The following WWTR1 variants were observed in gnomAD, a reference collection of about 807,000 sequenced individuals.
The protein encoded by WWTR1 is WW domain containing transcription regulator 1.
WWTR1 carries 13 observed loss-of-function variants against 40.1 expected under a neutral mutation model. The observed-to-expected ratio is 0.32, with a 90% CI of 0.21 to 0.52. WWTR1 has a LOEUF of 0.52. WWTR1 is among the 20% of genes least tolerant of loss of function. The pLI is 0.97. For missense variants in WWTR1, 436 were observed against 523.1 expected (o/e 0.83, Z 1.63); for synonymous variants, 230 against 210.1 (o/e 1.09, Z -0.82).
At chr3:149,521,939 T>C (rs1480414178) in intron 6 of WWTR1, among the ~76,000 whole-genome samples, 3 of 152,214 alleles carry the variant, frequency 2.0e-5, no homozygotes, top group Admixed American at 6.5e-5. Flanking sequence ...GTCTGCCACA[T>C]ATCCATGGCT....
chr3:149,721,954 T>C (rs1576652321), intron 4 of WWTR1, among the ~76,000 whole-genome samples: 1 of 152,222 alleles, frequency 6.6e-6, no homozygotes, highest in East Asian at 1.9e-4. Flanking sequence ...TCTATTTCTT[T>C]GTGGCTTAGT....
intron 2 of WWTR1, among the ~76,000 whole-genome samples, chr3:149,585,677 C>T (rs894638428): frequency 3.3e-5 from 5 of 152,130 alleles, no homozygotes; most frequent in Admixed American, 2.6e-4. Flanking sequence ...ATGAGCATCT[C>T]ATGTCAGCAC....
At chr3:149,705,806 T>C (rs1715313611), upstream of WWTR1, among the ~76,000 whole-genome samples, 1 of 152,216 alleles carries the variant, frequency 6.6e-6, no homozygotes, top group South Asian at 2.1e-4. Flanking sequence ...GCTAATTAAG[T>C]AATTTTCTCA....
At chr3:149,608,537 C>T (rs1739588245) in intron 2 of WWTR1, among the ~76,000 whole-genome samples, 1 of 152,040 alleles carries the variant, frequency 6.6e-6, no homozygotes, top group African/African-American at 2.4e-5. Flanking sequence ...AGGCATGTGC[C>T]ACCACGCCTG....
intron 1 of WWTR1, among the ~76,000 whole-genome samples, chr3:149,676,172 G>A (rs1425851880): frequency 6.6e-6 from 1 of 152,124 alleles, no homozygotes; most frequent in Non-Finnish European, 1.5e-5. Context: ...AAAGAAAAAG[G>A]AGAGAGATGT....
intron 2 of WWTR1, among the ~76,000 whole-genome samples, chr3:149,649,378 G>T (rs72997979): frequency 2.6e-5 from 4 of 152,182 alleles, no homozygotes. Flanking sequence ...GAAGATCATC[G>T]CCCCTTTCAC....
chr3:149,652,770 A>C (rs1467426621), intron 2 of WWTR1, among the ~76,000 whole-genome samples: 1 of 151,908 alleles, frequency 6.6e-6, no homozygotes, highest in Non-Finnish European at 1.5e-5. Flanking sequence ...CTACATTCTC[A>C]CTTTCATATC....
At chr3:149,571,039 G>T (rs1737597142) in intron 3 of WWTR1, among the ~76,000 whole-genome samples, 1 of 152,026 alleles carries the variant, frequency 6.6e-6, no homozygotes, top group African/African-American at 2.4e-5. Flanking sequence ...AGCTCTATAT[G>T]TATGGACAGG....
At chr3:149,713,001 T>C (rs904814328) in intron 5 of WWTR1, among the ~76,000 whole-genome samples, 1 of 152,186 alleles carries the variant, frequency 6.6e-6, no homozygotes, top group African/African-American at 2.4e-5. Context: ...AAGGCTACAC[T>C]TTTTCTCTCC....
chr3:149,640,824 T>TA (rs1385334491), intron 2 of WWTR1, among the ~76,000 whole-genome samples: 5 of 152,054 alleles, frequency 3.3e-5, no homozygotes, highest in South Asian at 4.1e-4. Flanking sequence ...TCTATCATAA[T>TA]AAAAAAAACA....
At chr3:149,574,631 T>C in intron 2 of WWTR1, among the ~76,000 whole-genome samples, 1 of 152,190 alleles carries the variant, frequency 6.6e-6, no homozygotes. Flanking sequence ...GTATTTGTCT[T>C]GTTTTCTTTT....
At chr3:149,687,871 A>C (rs926480725) in intron 1 of WWTR1, among the ~76,000 whole-genome samples, 1 of 152,006 alleles carries the variant, frequency 6.6e-6, no homozygotes, top group Non-Finnish European at 1.5e-5. Context: ...AAGGAAACCC[A>C]CTGTCCTGAA....
chr3:149,542,562 T>A (rs371539496), intron 3 of WWTR1, 25 bp from the exon 4 acceptor site: 6 of 1,588,600 alleles, frequency 3.8e-6, no homozygotes, highest in Non-Finnish European at 5.2e-6. Context: ...AACATACAGA[T>A]TAATGACCAG....
chr3:149,640,964 A>C (rs1315774957), intron 2 of WWTR1, among the ~76,000 whole-genome samples: 1 of 152,200 alleles, frequency 6.6e-6, no homozygotes, highest in African/African-American at 2.4e-5. Context: ...TTTACGTATC[A>C]AGTCACTGGC....
intron 1 of WWTR1, among the ~76,000 whole-genome samples, chr3:149,679,917 C>A (rs2108202297): frequency 6.6e-6 from 1 of 152,338 alleles, no homozygotes; most frequent in South Asian, 2.1e-4. Context: ...CCTAGAGAGA[C>A]AGGCAACATT....
intron 4 of WWTR1, among the ~76,000 whole-genome samples, chr3:149,723,878 G>C (rs1303769180): frequency 6.6e-6 from 1 of 152,212 alleles, no homozygotes; most frequent in Non-Finnish European, 1.5e-5. Context: ...TTGGAGGCCA[G>C]GGTCCTTTTC....
Position 149,581,987 on chromosome 3 carries a change from A to G in WWTR1, c.432-8987T>C, listed in dbSNP as rs567181873. ...GGACTGTAATACCCGTGGTTCCTGC[A>G]GGGATTCATTTACCAGAGTTTTGTC... On this transcript the variant is annotated intron_variant, in intron 2 of 6. Transcript: ENST00000360632. 2.6e-5 allele frequency among the ~76,000 whole-genome samples: 4 copies of G among 152,150 alleles called. No individual in the cohort carries two copies. The South Asian group carries it at 8.4e-4, about 32-fold the overall frequency.
chr3:149,543,264 A>G (rs1736206420), intron 3 of WWTR1, among the ~76,000 whole-genome samples: 1 of 152,244 alleles, frequency 6.6e-6, no homozygotes, highest in Non-Finnish European at 1.5e-5. Context: ...TGCATTTAAC[A>G]ACCAGTGAAA....
chr3:149,604,061 T>C (rs1313361328), intron 2 of WWTR1, among the ~76,000 whole-genome samples: 1 of 152,184 alleles, frequency 6.6e-6, no homozygotes, highest in Non-Finnish European at 1.5e-5. Context: ...GTAGTAATAC[T>C]ATAAGTAGTA....
Sources: allele counts gnomAD v4.1 joint callset (sites outside exome capture counted in the v4.1 genomes callset), GRCh38; gene constraint gnomAD v4.1.1; transcripts MANE v1.5; gene names NCBI Gene and HGNC (gene_info 2026-07-23, HGNC 2026-07-21).